Variants in COL25A1 observed in about 807,000 individuals in gnomAD.
The protein encoded by COL25A1 is collagen type XXV alpha 1 chain, also known as collagen alpha-1(XXV) chain.
COL25A1 carries 103 observed loss-of-function variants against 128.4 expected under a neutral mutation model. The ratio of observed to expected loss-of-function variants is 0.80; its 90% CI spans 0.68 to 0.94. COL25A1 has a LOEUF of 0.94. Among genes scored for constraint, COL25A1 ranks in the 40% least tolerant of loss-of-function variants. COL25A1 has a pLI of 0.00. For synonymous variants in COL25A1, 279 were observed against 277.2 expected, an observed-to-expected ratio of 1.01 and a Z score of -0.06; for missense variants, 745 against 840.0, an observed-to-expected ratio of 0.89 and a Z score of 1.40.
chr4:109,280,768 T>A (rs1723304819), intron 3 of COL25A1, among the ~76,000 whole-genome samples: 3 of 152,056 alleles, frequency 2.0e-5, no homozygotes. Context: ...TTCTCCTGCC[T>A]CAGCCTCCCA....
intron 3 of COL25A1, among the ~76,000 whole-genome samples, chr4:109,190,254 T>C (rs989495716): frequency 1.1e-4 from 16 of 152,148 alleles, no homozygotes; most frequent in African/African-American, 2.7e-4. Flanking sequence ...ATAACTTTCC[T>C]AGACTGAAAA....
intron 3 of COL25A1, among the ~76,000 whole-genome samples, chr4:109,242,803 T>C (rs374041997): frequency 2.6e-5 from 4 of 152,084 alleles, no homozygotes; most frequent in African/African-American, 7.2e-5. Context: ...TTTTATTGTA[T>C]ATATTTAAGG....
Position 109,301,893 on chromosome 4 carries a change from C to G in COL25A1, c.127G>C (p.Val43Leu), listed in dbSNP as rs775765103. ...PCAVLAALLS[V>L]VAVVSCLYLG... ...TACAGGCAAGACACCACGGCCACCA[C>G]TGACAGGAGGGCCGCCAGGACGGCA... The change falls in exon 2 of 38, where the codon GTG becomes CTG. Residue 43 changes from valine to leucine, a missense_variant. Val to Leu is a conservative substitution (Grantham distance 32). This residue lies in a region of COL25A1 where 319 missense variants were observed against 324.9 expected (regional missense o/e 0.98). Transcript: ENST00000399132. 18 of 1,614,202 alleles carry G rather than the reference C, an allele frequency of 1.1e-5. No individual in the cohort carries two copies. Among genetic ancestry groups the G allele is most frequent in the Non-Finnish European group, 1.5e-5 (18 of 1,180,050 alleles).
chr4:109,050,603 C>A (rs1268059331), intron 3 of COL25A1, among the ~76,000 whole-genome samples: 1 of 151,848 alleles, frequency 6.6e-6, no homozygotes, highest in Admixed American at 6.6e-5. Context: ...TCAGTCAGGT[C>A]CATCATAATT....
chr4:109,005,654 G>T (rs1755895542), intron 6 of COL25A1, among the ~76,000 whole-genome samples: 1 of 152,194 alleles, frequency 6.6e-6, no homozygotes, highest in South Asian at 2.1e-4. Flanking sequence ...CAGAAGTGTA[G>T]ATTAGAAGAG....
intron 3 of COL25A1, among the ~76,000 whole-genome samples, chr4:109,222,878 A>G (rs963132025): frequency 6.6e-6 from 1 of 152,262 alleles, no homozygotes; most frequent in Admixed American, 6.5e-5. Context: ...ATATATCTGG[A>G]AAGAAATGTG....
intron 5 of COL25A1, among the ~76,000 whole-genome samples, chr4:109,019,780 T>C (rs1329496298): frequency 6.6e-6 from 1 of 152,016 alleles, no homozygotes. Context: ...GCACACTCAA[T>C]GGAATTTTAT....
intron 31 of COL25A1, among the ~76,000 whole-genome samples, chr4:108,835,861 CTTTTTTTTTTTT>C (rs1158184110): frequency 8.8e-5 from 4 of 45,698 alleles, no homozygotes; most frequent in South Asian, 1.3e-3. Context: ...TTACATACGT[CTTTTTTTTTTTT>C]TTTTTTTTTT....
intron 3 of COL25A1, among the ~76,000 whole-genome samples, chr4:109,211,251 AAT>A (rs1298258252): frequency 4.2e-5 from 4 of 94,218 alleles, no homozygotes; most frequent in African/African-American, 1.5e-4. Flanking sequence ...TATATGAAAC[AAT>A]ATATATGTAT....
At chr4:109,212,626 T>C (rs970812329) in intron 3 of COL25A1, among the ~76,000 whole-genome samples, 2 of 152,134 alleles carry the variant, frequency 1.3e-5, no homozygotes, top group Non-Finnish European at 2.9e-5. Flanking sequence ...TCAACTGTTA[T>C]ATAGACTATC....
At chr4:108,901,515 C>CA (rs918719962) in intron 13 of COL25A1, among the ~76,000 whole-genome samples, 1 of 151,888 alleles carries the variant, frequency 6.6e-6, no homozygotes, top group African/African-American at 2.4e-5. Context: ...ACTCTCCTGG[C>CA]AAAAAACTTT....
intron 3 of COL25A1, among the ~76,000 whole-genome samples, chr4:109,204,264 A>T (rs1411768096): frequency 6.6e-6 from 1 of 152,160 alleles, no homozygotes; most frequent in Non-Finnish European, 1.5e-5. Context: ...ATTATATCCT[A>T]AAGGATCCCA....
intron 26 of COL25A1, among the ~76,000 whole-genome samples, chr4:108,851,079 A>G (rs1735718476): frequency 6.6e-6 from 1 of 152,094 alleles, no homozygotes; most frequent in African/African-American, 2.4e-5. Context: ...GTTCTACACA[A>G]AGGAAAAAAA....
chr4:109,216,317 G>A (rs921698992), intron 3 of COL25A1, among the ~76,000 whole-genome samples: 6 of 151,608 alleles, frequency 4.0e-5, no homozygotes, highest in African/African-American at 4.9e-5. Flanking sequence ...AAGGAAAGAC[G>A]GAAGGAAGGA....
At chr4:108,998,293 A>T (rs1337863516) in intron 6 of COL25A1, among the ~76,000 whole-genome samples, 1 of 152,204 alleles carries the variant, frequency 6.6e-6, no homozygotes, top group Non-Finnish European at 1.5e-5. Context: ...TACAAAATCA[A>T]TGTGCAAAAA....
chr4:108,913,546 C>A (rs955231635), intron 13 of COL25A1, among the ~76,000 whole-genome samples: 5 of 152,082 alleles, frequency 3.3e-5, no homozygotes, highest in African/African-American at 9.7e-5. Flanking sequence ...GCGTGAGACA[C>A]CGCACCCGAC....
chr4:109,076,979 C>T lies in COL25A1; in HGVS notation c.368-26800G>A, dbSNP rs562675616. Among the ~76,000 whole-genome samples the T allele has an allele frequency of 1.8e-4, 28 of 152,254 alleles. No individual in the cohort carries two copies. The South Asian group carries it at 5.6e-3, about 30-fold the overall frequency. On this transcript the variant is annotated intron_variant, in intron 3 of 37. Transcript: ENST00000399132. ...TGGCTTGCCTGCCTGCTGCTCACCT[C>T]CTTTGCTGTGAGGCCCAGTTTCTAA...
chr4:109,252,588 G>A (rs555986973), intron 3 of COL25A1, among the ~76,000 whole-genome samples: 66 of 152,286 alleles, frequency 4.3e-4, no homozygotes, highest in Admixed American at 2.7e-3. Flanking sequence ...TGCCCATTCA[G>A]GTGGGTCTAT....
intron 3 of COL25A1, among the ~76,000 whole-genome samples, chr4:109,195,455 G>A (rs947673815): frequency 6.6e-6 from 1 of 152,102 alleles, no homozygotes; most frequent in Non-Finnish European, 1.5e-5. Flanking sequence ...TTTAATAGAC[G>A]TGAATAGGCA....
Sources: gnomAD v4.1 joint callset for allele counts (sites outside exome capture counted in the v4.1 genomes callset) on GRCh38, gnomAD v4.1.1 for gene constraint, gnomAD v4.1.1 regional missense constraint, MANE v1.5 for transcripts, NCBI Gene and HGNC (gene_info 2026-07-23, HGNC 2026-07-21) for gene names.